Variants in GASK1B observed in about 807,000 individuals in gnomAD.
GASK1B encodes golgi associated kinase 1B.
GASK1B carries 34 observed loss-of-function variants against 42.8 expected under a neutral mutation model. The ratio of observed to expected loss-of-function variants is 0.79; its 90% CI spans 0.60 to 1.06. GASK1B has a LOEUF of 1.06. GASK1B is among the 50% of genes least tolerant of loss of function. GASK1B has a pLI of 0.00. For missense variants in GASK1B, 686 were observed against 661.0 expected, an observed-to-expected ratio of 1.04 and a Z score of -0.42; for synonymous variants, 262 against 259.1, an observed-to-expected ratio of 1.01 and a Z score of -0.11.
At position 158,170,642 on chromosome 4, in the gene GASK1B, C is replaced by T. The variant is rs761035961; in HGVS notation, c.734G>A (p.Arg245His). The change falls in exon 2 of 5, where the codon CGT (arginine) becomes CAT (histidine). Residue 245 changes from arginine to histidine, a missense_variant. Arg to His is a conservative substitution (Grantham distance 29). Coordinates refer to ENST00000585682, the MANE Select transcript of GASK1B (RefSeq NM_001128424.2). ...LRPVSSRSGARLLVLEGGAPG... is the reference protein window; with the variant it reads ...LRPVSSRSGAHLLVLEGGAPG... ...TGCGCCCCCCTCCAGCACCAGCAAA[C>T]GGGCTCCGCTCCTAGAGGACACAGG... 13 of 1,613,760 alleles carry T rather than the reference C, an allele frequency of 8.1e-6. No individual in the cohort carries two copies. Among genetic ancestry groups the T allele is most frequent in the Non-Finnish European group, 1.1e-5 (13 of 1,180,058 alleles).
chr4:158,132,436 A>G (rs976410672), intron 3 of GASK1B, among the ~76,000 whole-genome samples: 1 of 152,188 alleles, frequency 6.6e-6, no homozygotes, highest in Non-Finnish European at 1.5e-5. Flanking sequence ...AACATCTTCT[A>G]CATCCTATCA....
At chr4:158,137,426 C>A (rs996823720) in intron 3 of GASK1B, among the ~76,000 whole-genome samples, 1 of 152,134 alleles carries the variant, frequency 6.6e-6, no homozygotes, top group African/African-American at 2.4e-5. Flanking sequence ...GTTATCATTA[C>A]CAGCATCCCT....
intron 3 of GASK1B, among the ~76,000 whole-genome samples, chr4:158,144,364 G>T (rs2110963382): frequency 6.6e-6 from 1 of 152,176 alleles, no homozygotes; most frequent in Admixed American, 6.5e-5. Context: ...GACAAACTAT[G>T]GAAATACATA....
chr4:158,147,235 C>T (rs1365216511), intron 3 of GASK1B, among the ~76,000 whole-genome samples: 3 of 152,038 alleles, frequency 2.0e-5, no homozygotes, highest in Admixed American at 6.6e-5. Context: ...ATGGCATTCA[C>T]GAAAAATGGC....
intron 3 of GASK1B, among the ~76,000 whole-genome samples, chr4:158,143,733 A>G (rs2110961868): frequency 6.6e-6 from 1 of 152,268 alleles, no homozygotes; most frequent in African/African-American, 2.4e-5. Context: ...AAGATGACAA[A>G]TTGTTGGGTG....
At chr4:158,134,773 A>G (rs1457350698) in intron 3 of GASK1B, among the ~76,000 whole-genome samples, 1 of 152,096 alleles carries the variant, frequency 6.6e-6, no homozygotes, top group Non-Finnish European at 1.5e-5. Context: ...GCATGTAGGA[A>G]AAAAGCATCT....
intron 2 of GASK1B, among the ~76,000 whole-genome samples, chr4:158,161,897 C>T (rs534070723): frequency 2.0e-5 from 3 of 152,248 alleles, no homozygotes; most frequent in Non-Finnish European, 2.9e-5. Flanking sequence ...AACCCTTCAG[C>T]GACTCCCTAT....
At chr4:158,161,066 ACG>A (rs1731972955) in intron 2 of GASK1B, among the ~76,000 whole-genome samples, 2 of 152,052 alleles carry the variant, frequency 1.3e-5, no homozygotes, top group East Asian at 3.9e-4. Context: ...TAATAATATA[ACG>A]TATATATCAA....
intron 2 of GASK1B, among the ~76,000 whole-genome samples, chr4:158,165,626 C>T (rs1732200849): frequency 6.6e-6 from 1 of 152,106 alleles, no homozygotes; most frequent in Admixed American, 6.5e-5. Context: ...GAAATGTTGG[C>T]ATAGTGGTAA....
chr4:158,128,468 TAAATCCCC>T (rs532774760), intron 4 of GASK1B, among the ~76,000 whole-genome samples: 29 of 152,236 alleles, frequency 1.9e-4, no homozygotes, highest in Non-Finnish European at 3.7e-4. Context: ...AATATTTTGC[TAAATCCCC>T]AATTTGACAT....
At chr4:158,150,204 C>T (rs548955122) in intron 3 of GASK1B, among the ~76,000 whole-genome samples, 15 of 152,166 alleles carry the variant, frequency 9.9e-5, no homozygotes, top group Non-Finnish European at 8.8e-5. Flanking sequence ...GGATTACAGG[C>T]GTAAGCCACC....
intron 3 of GASK1B, among the ~76,000 whole-genome samples, chr4:158,145,757 C>T (rs1731307157): frequency 6.6e-6 from 1 of 152,104 alleles, no homozygotes; most frequent in African/African-American, 2.4e-5. Flanking sequence ...TCTTTTATTA[C>T]CAGCACTAAA....
At chr4:158,127,676 A>G (rs1730515322) in intron 4 of GASK1B, 62 bp from the exon 5 acceptor site, 4 of 1,416,708 alleles carry the variant, frequency 2.8e-6, no homozygotes, top group Admixed American at 4.1e-5. Context: ...TCCTTACCCA[A>G]CTGTCCTGCC....
intron 2 of GASK1B, among the ~76,000 whole-genome samples, chr4:158,157,448 T>C (rs1731799503): frequency 6.6e-6 from 1 of 152,092 alleles, no homozygotes; most frequent in African/African-American, 2.4e-5. Context: ...CAATTTATTT[T>C]AAAAGAATAA....
intron 2 of GASK1B, among the ~76,000 whole-genome samples, chr4:158,159,140 A>G (rs1731870360): frequency 6.6e-6 from 1 of 152,118 alleles, no homozygotes; most frequent in Admixed American, 6.6e-5. Flanking sequence ...ATTTCCCCTC[A>G]GCAAAATATT....
At chr4:158,131,308 G>A (rs886825617) in intron 3 of GASK1B, among the ~76,000 whole-genome samples, 4 of 152,104 alleles carry the variant, frequency 2.6e-5, no homozygotes, top group African/African-American at 7.2e-5. Flanking sequence ...CAGACACATG[G>A]CCAGCACAAT....
intron 3 of GASK1B, among the ~76,000 whole-genome samples, chr4:158,131,297 A>G (rs965768420): frequency 7.9e-5 from 12 of 152,190 alleles, no homozygotes; most frequent in Non-Finnish European, 1.5e-4. Context: ...GACATCACAT[A>G]CAGACACATG....
intron 3 of GASK1B, among the ~76,000 whole-genome samples, chr4:158,137,666 T>C (rs1044593735): frequency 5.3e-5 from 8 of 152,222 alleles, no homozygotes; most frequent in Admixed American, 3.3e-4. Flanking sequence ...CTTGTTAATA[T>C]AGACACAGCC....
intron 2 of GASK1B, among the ~76,000 whole-genome samples, chr4:158,165,352 C>T (rs1055399772): frequency 1.3e-5 from 2 of 152,084 alleles, no homozygotes; most frequent in South Asian, 2.1e-4. Context: ...TTTAAATTAT[C>T]GAAATGTATC....
Sources: allele counts gnomAD v4.1 joint callset (sites outside exome capture counted in the v4.1 genomes callset), GRCh38; gene constraint gnomAD v4.1.1; transcripts MANE v1.5; gene names NCBI Gene and HGNC (gene_info 2026-07-23, HGNC 2026-07-21).